The following GPR158 variants were observed in gnomAD, a reference collection of about 807,000 sequenced individuals.
GPR158 encodes G protein-coupled receptor 158, also known as metabotropic glycine receptor.
Under a neutral mutation model 78.2 loss-of-function variants are expected in GPR158, and 30 were observed. The observed-to-expected ratio is 0.38, with a 90% CI of 0.29 to 0.52. GPR158 has a LOEUF of 0.52. GPR158 is among the 20% of genes least tolerant of loss of function. The pLI, the probability that GPR158 is intolerant of heterozygous loss-of-function variation, is 0.83. For synonymous variants in GPR158, 581 were observed against 591.1 expected (o/e 0.98, Z 0.25); for missense variants, 1,463 against 1,523.5 (o/e 0.96, Z 0.66).
intron 5 of GPR158, among the ~76,000 whole-genome samples, chr10:25,539,172 G>A (rs1456470024): frequency 6.6e-6 from 1 of 152,152 alleles, no homozygotes; most frequent in African/African-American, 2.4e-5. Flanking sequence ...GCTGCTAGGG[G>A]AGGAGCAGTA....
At chr10:25,390,326 T>C (rs1396669806) in intron 2 of GPR158, among the ~76,000 whole-genome samples, 1 of 152,196 alleles carries the variant, frequency 6.6e-6, no homozygotes, top group Non-Finnish European at 1.5e-5. Context: ...GACAGAAGGC[T>C]GTGGGAAAGT....
intron 2 of GPR158, among the ~76,000 whole-genome samples, chr10:25,389,671 C>T (rs1210353718): frequency 6.6e-6 from 1 of 152,110 alleles, no homozygotes; most frequent in Non-Finnish European, 1.5e-5. Context: ...CCTTGCATGC[C>T]ATATTGTGGG....
At chr10:25,351,252 TA>T (rs1348733704) in intron 2 of GPR158, among the ~76,000 whole-genome samples, 1 of 152,042 alleles carries the variant, frequency 6.6e-6, no homozygotes, top group Non-Finnish European at 1.5e-5. Context: ...ATAGGATATC[TA>T]ACATTTGAAA....
Position 25,369,218 on chromosome 10 carries a change from G to A in GPR158, c.1009-26693G>A, listed in dbSNP as rs1428182249. On this transcript the variant is annotated intron_variant, in intron 2 of 10. Coordinates refer to ENST00000376351, the MANE Select transcript of GPR158 (RefSeq NM_020752.3). ...TCCAACACTATGTTGACTAGGAGTG[G>A]TGAGAGAGGGCATCCCTGTCTTGTG... Among the ~76,000 whole-genome samples, 4 of 150,630 alleles carry A rather than the reference G, an allele frequency of 2.7e-5. No homozygotes were observed. In the East Asian group the frequency reaches 7.8e-4, roughly 29 times the overall value.
At chr10:25,399,782 T>C (rs1834416019) in intron 3 of GPR158, among the ~76,000 whole-genome samples, 1 of 152,168 alleles carries the variant, frequency 6.6e-6, no homozygotes, top group Non-Finnish European at 1.5e-5. Flanking sequence ...AATTTGAGGC[T>C]TATAAGAGAA....
At chr10:25,224,634 G>A (rs1219068545) in intron 2 of GPR158, among the ~76,000 whole-genome samples, 1 of 151,924 alleles carries the variant, frequency 6.6e-6, no homozygotes, top group Non-Finnish European at 1.5e-5. Context: ...TGATTCAGAG[G>A]TCTCTAAGTT....
chr10:25,211,400 G>T (rs1248323290), intron 1 of GPR158, among the ~76,000 whole-genome samples: 1 of 152,184 alleles, frequency 6.6e-6, no homozygotes, highest in African/African-American at 2.4e-5. Context: ...CGTGGTGAGG[G>T]TCTTGTTGCT....
chr10:25,598,046 T>A lies in GPR158; in HGVS notation c.2420T>A (p.Leu807Gln), dbSNP rs781043732. ...GNTGKSKEET[L>Q]KNRVFSLKKS... ...ACAGGGAAATCCAAGGAGGAGACCC[T>A]GAAAAACCGAGTCTTCTCACTCAAG... The change falls in exon 11 of 11, where the codon CTG (leucine) becomes CAG (glutamine). Residue 807 changes from leucine to glutamine, a missense_variant. Leu to Gln is a moderately radical substitution (Grantham distance 113, BLOSUM62 -2). Transcript: ENST00000376351. 4 of 1,614,006 alleles carry A rather than the reference T, an allele frequency of 2.5e-6. No homozygotes were observed. Among genetic ancestry groups the A allele is most frequent in the Non-Finnish European group, 3.4e-6 (4 of 1,180,002 alleles).
intron 2 of GPR158, among the ~76,000 whole-genome samples, chr10:25,310,696 T>C (rs1854751176): frequency 6.6e-6 from 1 of 152,176 alleles, no homozygotes; most frequent in African/African-American, 2.4e-5. Flanking sequence ...TCTTTCAACT[T>C]TGTTTATTGC....
chr10:25,501,023 C>T (rs1036755821), intron 5 of GPR158, among the ~76,000 whole-genome samples: 6 of 152,094 alleles, frequency 3.9e-5, no homozygotes, highest in African/African-American at 9.7e-5. Context: ...GCCTATCGTA[C>T]GCGTAAATGG....
intron 2 of GPR158, among the ~76,000 whole-genome samples, chr10:25,276,656 G>T (rs758462126): frequency 7.9e-5 from 12 of 152,186 alleles, no homozygotes; most frequent in Non-Finnish European, 1.2e-4. Context: ...ATTGTAACTG[G>T]AATGAGAGGA....
At chr10:25,306,210 C>T (rs913667286) in intron 2 of GPR158, among the ~76,000 whole-genome samples, 30 of 152,240 alleles carry the variant, frequency 2.0e-4, no homozygotes, top group African/African-American at 7.0e-4. Context: ...TACAGTGGCT[C>T]CCTACTATCC....
intron 4 of GPR158, among the ~76,000 whole-genome samples, chr10:25,428,932 C>T (rs986646446): frequency 6.6e-6 from 1 of 151,848 alleles, no homozygotes; most frequent in Non-Finnish European, 1.5e-5. Flanking sequence ...AATTAATTTC[C>T]AAATTATCTT....
intron 2 of GPR158, among the ~76,000 whole-genome samples, chr10:25,248,527 A>C (rs1381868591): frequency 3.5e-4 from 53 of 149,596 alleles, no homozygotes; most frequent in East Asian, 1.4e-3. Context: ...TCAGCTTTCT[A>C]CATATGGCTA....
At chr10:25,432,658 A>G (rs1264322891) in intron 4 of GPR158, among the ~76,000 whole-genome samples, 1 of 152,154 alleles carries the variant, frequency 6.6e-6, no homozygotes, top group Admixed American at 6.5e-5. Flanking sequence ...TTACATTTCC[A>G]CCATTTATTG....
chr10:25,358,822 G>C (rs1395556677), intron 2 of GPR158, among the ~76,000 whole-genome samples: 2 of 152,060 alleles, frequency 1.3e-5, no homozygotes, highest in African/African-American at 4.8e-5. Context: ...TTTAGTCAGA[G>C]AATATACTTA....
intron 2 of GPR158, among the ~76,000 whole-genome samples, chr10:25,320,009 G>A (rs891635585): frequency 2.0e-5 from 3 of 151,950 alleles, no homozygotes; most frequent in South Asian, 2.1e-4. Context: ...ATCTCTCCTC[G>A]ACATCCAACC....
At chr10:25,372,206 C>T (rs1834005287) in intron 2 of GPR158, among the ~76,000 whole-genome samples, 1 of 151,952 alleles carries the variant, frequency 6.6e-6, no homozygotes, top group African/African-American at 2.4e-5. Flanking sequence ...AGTCAGGAAA[C>T]AACAGGTGCT....
At chr10:25,439,280 GC>G (rs1265632967) in intron 4 of GPR158, among the ~76,000 whole-genome samples, 1 of 152,200 alleles carries the variant, frequency 6.6e-6, no homozygotes, top group Admixed American at 6.5e-5. Context: ...TGAGAAAGAA[GC>G]GAAAGTGGAA....
Sources: gnomAD v4.1 joint callset for allele counts (sites outside exome capture counted in the v4.1 genomes callset) on GRCh38, gnomAD v4.1.1 for gene constraint, MANE v1.5 for transcripts, NCBI Gene and HGNC (gene_info 2026-07-23, HGNC 2026-07-21) for gene names.